Variants in ZNF711 observed in about 807,000 individuals in gnomAD.
ZNF711 encodes zinc finger protein 711.
ZNF711 carries 3 observed loss-of-function variants against 43.5 expected under a neutral mutation model. The observed-to-expected ratio is 0.07, with a 90% CI of 0.03 to 0.18. The LOEUF is 0.18. Ranked by LOEUF, ZNF711 falls within the 10% of genes least tolerant of loss-of-function variation. The pLI is 1.00. For synonymous variants in ZNF711, 209 were observed against 207.7 expected (o/e 1.01, Z -0.06); for missense variants, 412 against 604.0 (o/e 0.68, Z 3.33).
chrX:85,253,315 T>A (rs1308179812), intron 4 of ZNF711, among the ~76,000 whole-genome samples: 1 of 112,355 alleles, frequency 8.9e-6, no homozygotes, highest in Non-Finnish European at 1.9e-5. Flanking sequence ...ATACAGTAAT[T>A]ATTATAAGTT....
intron 4 of ZNF711, 48 bp downstream of exon 4, chrX:85,247,699 G>T (rs1198472254): frequency 1.9e-6 from 2 of 1,035,056 alleles, no homozygotes; most frequent in Admixed American, 2.3e-5. Context: ...GAAGTAAGGG[G>T]ATAATAAAAA....
Position 85,268,268 on chromosome X carries a change from CTTTTTTTTT to C in ZNF711, c.1055-11_1055-3del, listed in dbSNP as rs753221892. 5 of 909,954 alleles carry C rather than the reference CTTTTTTTTT, an allele frequency of 5.5e-6. No individual in the cohort carries two copies. Among genetic ancestry groups the C allele is most frequent in the Admixed American group, 3.6e-5 (1 of 28,035 alleles). The allele number at this position is 909,954 out of a possible 1,213,427, so 75.0% of individuals were successfully genotyped here. A position where few individuals can be genotyped will look rare whatever the true frequency, so the allele number is the denominator to read the frequency against. On this transcript the variant is annotated splice_polypyrimidine_tract_variant and intron_variant, in intron 8 of 10. Transcript: ENST00000674551. ...ATTAGCATATCAGTTTGTAATTGGT[CTTTTTTTTT>C]TTTTTTTTTTTTTTAGGAGATGAAA...
intron 5 of ZNF711, 118 bp downstream of exon 5, chrX:85,255,919 A>G (rs962030458): frequency 1.7e-5 from 12 of 724,154 alleles, no homozygotes; most frequent in Non-Finnish European, 2.4e-5. Context: ...TTGAAAAATA[A>G]TTTTTTGAAG....
At chrX:85,266,935 G>A (rs781601487) in intron 7 of ZNF711, among the ~76,000 whole-genome samples, 2 of 105,711 alleles carry the variant, frequency 1.9e-5, no homozygotes, top group Admixed American at 1.1e-4. Flanking sequence ...ATTTCTATGA[G>A]AAATATTTTC....
At chrX:85,251,277 T>G (rs1929530002) in intron 4 of ZNF711, among the ~76,000 whole-genome samples, 1 of 112,103 alleles carries the variant, frequency 8.9e-6, no homozygotes, top group Non-Finnish European at 1.9e-5. Flanking sequence ...TGGACCAATT[T>G]ATTTTGAAGA....
At position 85,268,210 on chromosome X, in the gene ZNF711, A is replaced by T. The variant is rs1443420377; in HGVS notation, c.1055-84A>T. 4.7e-6 allele frequency: 5 copies of T among 1,058,158 alleles called. No homozygotes were observed. In the African/African-American group the frequency reaches 9.9e-5, roughly 21 times the overall value. The allele number at this position is 1,058,158 out of a possible 1,213,427, so 87.2% of individuals were successfully genotyped here. A position where few individuals can be genotyped will look rare whatever the true frequency, so the allele number is the denominator to read the frequency against. On this transcript the variant is annotated intron_variant, in intron 8 of 10. Transcript: ENST00000674551. ...AATGGTGGGCAAAGTAAGATTTTGT[A>T]GATTAAGATGTGATCCACTAGTAGT...
chrX:85,270,194 T>C, intron 10 of ZNF711, 48 bp downstream of exon 10: 6 of 1,162,522 alleles, frequency 5.2e-6, no homozygotes, highest in Non-Finnish European at 7.0e-6. Flanking sequence ...GATGTGGAAG[T>C]ATTTTTTGTC....
chrX:85,271,482 A>G lies in ZNF711; in HGVS notation c.2078A>G (p.His693Arg). ...GATATCCATAAGGGTAGGAAGATTC[A>G]TCAGTGCAGGCACTGTGACTTTAAA... Reference protein sequence around the residue: ...HSDIHKGRKIHQCRHCDFKTS... With the variant: ...HSDIHKGRKIRQCRHCDFKTS... The change falls in exon 11 of 11, where the codon CAT becomes CGT. Residue 693 changes from histidine to arginine, a missense_variant. His to Arg is a conservative substitution (Grantham distance 29). Transcript: ENST00000674551. The G allele has an allele frequency of 8.3e-7, 1 of 1,211,526 alleles. No homozygotes were observed. Among genetic ancestry groups the G allele is most frequent in the Non-Finnish European group, 1.1e-6 (1 of 895,201 alleles).
At position 85,270,026 on chromosome X, in the gene ZNF711, G is replaced by A; in HGVS notation, c.1126G>A (p.Glu376Lys). The change falls in exon 10 of 11, where the codon GAA (glutamate) becomes AAA (lysine). Residue 376 changes from glutamate to lysine, a missense_variant. This residue lies in a region of ZNF711 where 375 missense variants were observed against 514.2 expected (regional missense o/e 0.73). Transcript: ENST00000674551. The stretch of plus-strand genomic sequence containing the variant: ...AGGAAATACTTTGGACTCAGCATTA[G>A]AAAGCAGAAGTAGTACAGCAGCACA... ...ASGNTLDSAL[E>K]SRSSTAAQYL... is the part of the protein sequence containing the mutation. 8.3e-7 allele frequency: 1 copy of A among 1,210,201 alleles called. No individual in the cohort carries two copies.
At chrX:85,259,056 T>G (rs1930412238) in intron 5 of ZNF711, among the ~76,000 whole-genome samples, 1 of 111,118 alleles carries the variant, frequency 9.0e-6, no homozygotes, top group African/African-American at 3.3e-5. Flanking sequence ...ATCTTTAAAC[T>G]TTGGTCCATC....
At chrX:85,261,844 A>G (rs898789178) in intron 5 of ZNF711, among the ~76,000 whole-genome samples, 1 of 111,029 alleles carries the variant, frequency 9.0e-6, no homozygotes, top group African/African-American at 3.3e-5. Context: ...TACAACAAGC[A>G]AAACATTTAA....
intron 4 of ZNF711, among the ~76,000 whole-genome samples, chrX:85,253,627 CAT>C (rs2147807942): frequency 9.0e-6 from 1 of 110,689 alleles, no homozygotes; most frequent in African/African-American, 3.3e-5. Context: ...CCATTTTTAA[CAT>C]ATATTCGTGT....
chrX:85,272,629 C>T lies in ZNF711; in HGVS notation c.*801C>T, dbSNP rs1931647656. 1 of 111,819 alleles carries T rather than the reference C, an allele frequency of 8.9e-6. No homozygotes were observed. The highest frequency in any genetic ancestry group is 1.9e-5 in the Non-Finnish European group (1 of 52,984). 9.2% of individuals were successfully genotyped at this position (111,819 alleles called of 1,213,427 possible). On this transcript the variant is annotated 3_prime_UTR_variant, in exon 11 of 11. Transcript: ENST00000674551. ...AATCAGCACTATATTTCTTAATGATCTAAAGATTAATTTGAGAGAACACAG... is the reference window on the plus strand; with the variant it reads ...AATCAGCACTATATTTCTTAATGATTTAAAGATTAATTTGAGAGAACACAG...
At chrX:85,253,288 A>G (rs966452531) in intron 4 of ZNF711, among the ~76,000 whole-genome samples, 18 of 112,172 alleles carry the variant, frequency 1.6e-4, no homozygotes, top group African/African-American at 5.5e-4. Context: ...GTGTTGAAAG[A>G]TGCCTTCCAA....
intron 1 of ZNF711, among the ~76,000 whole-genome samples, chrX:85,244,612 G>A (rs1928841382): frequency 9.0e-6 from 1 of 110,518 alleles, no homozygotes; most frequent in African/African-American, 3.3e-5. Flanking sequence ...CCTCGCCCCC[G>A]CCCCCTGACC....
chrX:85,252,403 C>A (rs920567336), intron 4 of ZNF711, among the ~76,000 whole-genome samples: 29 of 111,602 alleles, frequency 2.6e-4, no homozygotes, highest in African/African-American at 9.5e-4. Context: ...CATTATTCTA[C>A]CCTTCTTTCC....
chrX:85,267,626 GT>G (rs1167756617), intron 8 of ZNF711, among the ~76,000 whole-genome samples: 1 of 111,566 alleles, frequency 9.0e-6, no homozygotes, highest in Non-Finnish European at 1.9e-5. Flanking sequence ...AATGCATTAT[GT>G]TTTTCAGTAT....
intron 4 of ZNF711, among the ~76,000 whole-genome samples, chrX:85,254,978 T>C (rs1929989941): frequency 9.0e-6 from 1 of 111,712 alleles, no homozygotes; most frequent in African/African-American, 3.3e-5. Context: ...TGGAATGTAG[T>C]GATATCTCAT....
chrX:85,267,986 C>A (rs2147865024), intron 8 of ZNF711, among the ~76,000 whole-genome samples: 1 of 111,373 alleles, frequency 9.0e-6, no homozygotes, highest in African/African-American at 3.3e-5. Flanking sequence ...TCCAAAGGTT[C>A]ATTCATTCAG....
Sources: gnomAD v4.1 joint callset for allele counts (sites outside exome capture counted in the v4.1 genomes callset) on GRCh38, gnomAD v4.1.1 for gene constraint, gnomAD v4.1.1 regional missense constraint, MANE v1.5 for transcripts, NCBI Gene and HGNC (gene_info 2026-07-23, HGNC 2026-07-21) for gene names.